The following DGKK variants were observed in gnomAD, a reference collection of about 807,000 sequenced individuals.
The protein encoded by DGKK is diacylglycerol kinase kappa, also known as 142 kDa diacylglycerol kinase.
DGKK carries 35 observed loss-of-function variants against 92.2 expected under a neutral mutation model. The observed-to-expected ratio is 0.38, with a 90% confidence interval of 0.29 to 0.50. The LOEUF (loss-of-function observed/expected upper bound fraction) is 0.50, where lower values mean the gene tolerates loss of function less well. DGKK is among the 20% of genes least tolerant of loss of function. DGKK has a pLI of 0.92. For synonymous variants in DGKK, 368 were observed against 360.6 expected (o/e 1.02, Z -0.23); for missense variants, 910 against 992.2 (o/e 0.92, Z 1.11).
In DGKK at chrX:50,392,365, A is replaced by C. The variant is rs782207150; in HGVS notation, c.1680T>G (p.Ile560Met). ...CCTTTTCATGTAATCCAAAGGCATC[A>C]ATCAGAGATAAGACCCAGCTCACGC... ...DGSVSWVLSLIDAFGLHEKCQ... is the reference protein window; with the variant it reads ...DGSVSWVLSLMDAFGLHEKCQ... Residue 560 changes from isoleucine (I) to methionine (M), a missense_variant, in exon 10 of 28, where the codon ATT (isoleucine) becomes ATG (methionine). Transcript: ENST00000611977. 1.7e-6 allele frequency: 2 copies of C among 1,209,455 alleles called. No homozygotes were observed. The highest frequency in any genetic ancestry group is 4.3e-5 in the Admixed American group (2 of 46,105).
chrX:50,418,926 T>C (rs782521727), intron 4 of DGKK, among the ~76,000 whole-genome samples: 2 of 111,806 alleles, frequency 1.8e-5, no homozygotes, highest in African/African-American at 3.2e-5. Flanking sequence ...GAAAATGTTA[T>C]ATGATTCATG....
At chrX:50,403,685 A>T (rs1259041550) in intron 5 of DGKK, 88 bp from the exon 6 acceptor site, 1 of 763,065 alleles carries the variant, frequency 1.3e-6, no homozygotes, top group Non-Finnish European at 2.0e-6. Flanking sequence ...TGAAAGTTAG[A>T]ACACAGATGC....
intron 20 of DGKK, 69 bp from the exon 21 acceptor site, chrX:50,378,760 A>G: frequency 1.2e-6 from 1 of 837,054 alleles, no homozygotes; most frequent in Non-Finnish European, 1.7e-6. Context: ...ACAAGAAGGC[A>G]TGTTTAAAGG....
intron 1 of DGKK, among the ~76,000 whole-genome samples, chrX:50,441,328 T>C (rs1368698538): frequency 9.0e-6 from 1 of 111,666 alleles, no homozygotes; most frequent in African/African-American, 3.2e-5. Flanking sequence ...TTCCCATATA[T>C]GAATGTTCTC....
At chrX:50,389,504 T>C (rs1269363319) in intron 12 of DGKK, among the ~76,000 whole-genome samples, 9 of 112,244 alleles carry the variant, frequency 8.0e-5, no homozygotes, top group African/African-American at 2.9e-4. Context: ...TGACTGGATA[T>C]GTGATAAAGC....
chrX:50,462,214 T>C (rs1034691467), intron 1 of DGKK, among the ~76,000 whole-genome samples: 10 of 110,705 alleles, frequency 9.0e-5, no homozygotes, highest in Non-Finnish European at 1.5e-4. Context: ...CCTACCTGGA[T>C]GATGGGGAAG....
At chrX:50,379,416 G>T (rs1924356886) in intron 20 of DGKK, among the ~76,000 whole-genome samples, 1 of 110,001 alleles carries the variant, frequency 9.1e-6, no homozygotes, top group Non-Finnish European at 1.9e-5. Flanking sequence ...CCTACGAGTT[G>T]ACCTTATCCT....
At chrX:50,398,714 C>T (rs1175731334) in intron 8 of DGKK, among the ~76,000 whole-genome samples, 4 of 111,905 alleles carry the variant, frequency 3.6e-5, no homozygotes, top group African/African-American at 9.7e-5. Context: ...AAGCACAGAA[C>T]ATGTTTGGCC....
rs782782712 is a variant in DGKK at position 50,370,266 on chromosome X, A to G, written c.3736+160T>C. Reference sequence around the variant, plus strand: ...ATATCACTTTCTCTCACCTTGTCCAAGATATGGCTTGGTATCACTTACTGC... The same window carrying G: ...ATATCACTTTCTCTCACCTTGTCCAGGATATGGCTTGGTATCACTTACTGC... On this transcript the variant is annotated intron_variant, in intron 27 of 27. Coordinates refer to ENST00000611977, the MANE Select transcript of DGKK (RefSeq NM_001013742.4). Among the ~76,000 whole-genome samples the G allele has an allele frequency of 6.3e-5, 7 of 111,267 alleles. 1 individual carries two copies. The South Asian group carries it at 2.7e-3, about 43-fold the overall frequency.
At chrX:50,455,694 A>C (rs782337101) in intron 1 of DGKK, among the ~76,000 whole-genome samples, 15 of 111,937 alleles carry the variant, frequency 1.3e-4, no homozygotes, top group African/African-American at 4.9e-4. Flanking sequence ...CAAAGAGAGA[A>C]TAGCCAAAGG....
intron 4 of DGKK, among the ~76,000 whole-genome samples, chrX:50,415,042 C>T (rs1925397809): frequency 8.9e-6 from 1 of 112,005 alleles, no homozygotes; most frequent in African/African-American, 3.2e-5. Flanking sequence ...AGGCTGTCTC[C>T]ACGTCAATTT....
chrX:50,369,686 C>G (rs1199470949), intron 27 of DGKK, among the ~76,000 whole-genome samples: 1 of 110,390 alleles, frequency 9.1e-6, no homozygotes, highest in Non-Finnish European at 1.9e-5. Flanking sequence ...CTCAGCCTCC[C>G]AAGTAGCTAG....
intron 1 of DGKK, among the ~76,000 whole-genome samples, chrX:50,462,419 T>G: frequency 9.3e-6 from 1 of 106,954 alleles, no homozygotes; most frequent in Admixed American, 1.0e-4. Context: ...TTTGAGGCTT[T>G]TTTTCTGTCT....
chrX:50,449,542 C>T (rs1926446923), intron 1 of DGKK, among the ~76,000 whole-genome samples: 1 of 111,335 alleles, frequency 9.0e-6, no homozygotes, highest in Non-Finnish European at 1.9e-5. Context: ...CCCTAAGCTG[C>T]CTCTGAGGAA....
chrX:50,399,525 C>G (rs887451525), intron 8 of DGKK, among the ~76,000 whole-genome samples: 1 of 111,915 alleles, frequency 8.9e-6, no homozygotes, highest in African/African-American at 3.2e-5. Context: ...ATATCCCACA[C>G]GTCAGAGATG....
intron 9 of DGKK, among the ~76,000 whole-genome samples, chrX:50,392,802 A>G: frequency 8.9e-6 from 1 of 112,757 alleles, no homozygotes; most frequent in East Asian, 2.8e-4. Flanking sequence ...GAGGAGATAT[A>G]TCTATTTGGT....
chrX:50,447,683 C>T (rs1458845421), intron 1 of DGKK, among the ~76,000 whole-genome samples: 2 of 105,834 alleles, frequency 1.9e-5, no homozygotes, highest in African/African-American at 3.4e-5. Flanking sequence ...TGACACTTTC[C>T]CTTGGGTTGT....
intron 1 of DGKK, among the ~76,000 whole-genome samples, chrX:50,454,015 G>GA (rs782692022): frequency 9.2e-6 from 1 of 108,499 alleles, no homozygotes; most frequent in Non-Finnish European, 1.9e-5. Flanking sequence ...GAAAGAAAAA[G>GA]AAAAAAACAG....
intron 4 of DGKK, among the ~76,000 whole-genome samples, chrX:50,408,572 A>C (rs1925226018): frequency 9.3e-6 from 1 of 107,518 alleles, no homozygotes. Flanking sequence ...TTTAGTAGAG[A>C]CGGGGTTTCA....
Sources: gnomAD v4.1 joint callset for allele counts (sites outside exome capture counted in the v4.1 genomes callset) on GRCh38, gnomAD v4.1.1 for gene constraint, MANE v1.5 for transcripts, NCBI Gene and HGNC (gene_info 2026-07-23, HGNC 2026-07-21) for gene names.